Variants in LIMCH1 observed in about 807,000 individuals in gnomAD.
LIMCH1 encodes the protein LIM and calponin homology domains 1.
LIMCH1 carries 113 observed loss-of-function variants against 176.5 expected under a neutral mutation model. The observed-to-expected ratio is 0.64, with a 90% confidence interval of 0.55 to 0.75. LIMCH1 has a LOEUF of 0.75. Ranked by LOEUF, LIMCH1 falls within the 30% of genes least tolerant of loss-of-function variation. LIMCH1 has a pLI of 0.00. For missense variants in LIMCH1, 1,674 were observed against 1,814.9 expected, an observed-to-expected ratio of 0.92 and a Z score of 1.41; for synonymous variants, 619 against 645.9, an observed-to-expected ratio of 0.96 and a Z score of 0.63.
chr4:41,456,347 G>C (rs2064593549), intron 1 of LIMCH1, among the ~76,000 whole-genome samples: 1 of 152,076 alleles, frequency 6.6e-6, no homozygotes, highest in African/African-American at 2.4e-5. Context: ...ATTGTTTTGG[G>C]TGTGTGCGTG....
chr4:41,458,501 G>A (rs563605983), intron 1 of LIMCH1, among the ~76,000 whole-genome samples: 1 of 152,196 alleles, frequency 6.6e-6, no homozygotes, highest in South Asian at 2.1e-4. Context: ...TGTGGGCCAG[G>A]CGTGGTGGCT....
At chr4:41,491,142 C>T (rs2070819709) in intron 1 of LIMCH1, among the ~76,000 whole-genome samples, 1 of 151,066 alleles carries the variant, frequency 6.6e-6, no homozygotes, top group Non-Finnish European at 1.5e-5. Context: ...GGCAGAGGCG[C>T]TCCCCACCTC....
intron 2 of LIMCH1, among the ~76,000 whole-genome samples, chr4:41,504,198 T>C (rs1207501046): frequency 6.6e-6 from 1 of 152,192 alleles, no homozygotes; most frequent in Non-Finnish European, 1.5e-5. Context: ...AACCTCAGGG[T>C]CTGTCTCTGC....
chr4:41,451,298 G>A (rs893076831), intron 1 of LIMCH1, among the ~76,000 whole-genome samples: 3 of 136,476 alleles, frequency 2.2e-5, no homozygotes, highest in African/African-American at 8.2e-5. Context: ...TTTTTTTTTT[G>A]TATTTTTGGT....
intron 1 of LIMCH1, among the ~76,000 whole-genome samples, chr4:41,555,065 T>C (rs1162157831): frequency 2.6e-5 from 4 of 152,196 alleles, no homozygotes; most frequent in Admixed American, 2.6e-4. Flanking sequence ...CATTGCCATT[T>C]GATTGATATT....
chr4:41,480,877 TAAGG>T (rs2068485644), intron 1 of LIMCH1, among the ~76,000 whole-genome samples: 1 of 152,178 alleles, frequency 6.6e-6, no homozygotes, highest in South Asian at 2.1e-4. Context: ...AAGGGCAGCT[TAAGG>T]ATGTGCAAAC....
At chr4:41,608,806 T>G (rs2152780250) in intron 4 of LIMCH1, among the ~76,000 whole-genome samples, 1 of 152,236 alleles carries the variant, frequency 6.6e-6, no homozygotes, top group Admixed American at 6.5e-5. Flanking sequence ...ATATTAAGAT[T>G]GAAGGGACAC....
chr4:41,670,594 C>G (rs1030132714), intron 21 of LIMCH1: 70 of 603,716 alleles, frequency 1.2e-4, no homozygotes, highest in African/African-American at 1.1e-3. Context: ...TGTAGATTTA[C>G]TGACTCTCAA....
At chr4:41,618,414 T>C (rs1304964810) in intron 5 of LIMCH1, among the ~76,000 whole-genome samples, 1 of 152,238 alleles carries the variant, frequency 6.6e-6, no homozygotes, top group Non-Finnish European at 1.5e-5. Context: ...ACCAACTCTT[T>C]TATTCATCAG....
At position 41,527,681 on chromosome 4, in the gene LIMCH1, G is replaced by C. The variant is rs189574800; in HGVS notation, c.237+3203G>C. Among the ~76,000 whole-genome samples, 886 of 152,252 alleles carry C rather than the reference G, an allele frequency of 5.8e-3. 11 individuals are homozygous for C. Among genetic ancestry groups the C allele is most frequent in the African/African-American group, 0.02 (822 of 41,556 alleles). ...TACTAAAAATACAAAAAATTAGCCAGGCGCGGTGGTGGGCGCCTGTAGTCC... is the reference window on the plus strand; with the variant it reads ...TACTAAAAATACAAAAAATTAGCCACGCGCGGTGGTGGGCGCCTGTAGTCC... On this transcript the variant is annotated intron_variant, in intron 3 of 26. Coordinates refer to the LIMCH1 transcript ENST00000313860.
chr4:41,627,612 C>G (rs1373198563), intron 8 of LIMCH1, among the ~76,000 whole-genome samples: 1 of 152,158 alleles, frequency 6.6e-6, no homozygotes, highest in African/African-American at 2.4e-5. Flanking sequence ...GTTTTCAAGC[C>G]AGTTTCCTTT....
intron 1 of LIMCH1, among the ~76,000 whole-genome samples, chr4:41,453,003 G>A (rs1192702585): frequency 6.6e-6 from 1 of 152,090 alleles, no homozygotes; most frequent in East Asian, 1.9e-4. Context: ...GCTGTGTTCT[G>A]GGAAATCATT....
chr4:41,644,326 G>A (rs1392391769), intron 14 of LIMCH1, among the ~76,000 whole-genome samples, 174 bp from the exon 15 acceptor site: 1 of 151,908 alleles, frequency 6.6e-6, no homozygotes, highest in Non-Finnish European at 1.5e-5. Flanking sequence ...GTGCCAGCAC[G>A]CCCACCGCCC....
chr4:41,643,369 A>G (rs1189125701), intron 14 of LIMCH1, among the ~76,000 whole-genome samples: 2 of 151,872 alleles, frequency 1.3e-5, no homozygotes, highest in Admixed American at 1.3e-4. Context: ...CTGTCACCAT[A>G]TTTTGTTGCT....
intron 7 of LIMCH1, among the ~76,000 whole-genome samples, chr4:41,625,053 T>G (rs1311809028): frequency 6.6e-6 from 1 of 152,198 alleles, no homozygotes; most frequent in African/African-American, 2.4e-5. Flanking sequence ...TATGAGTGAC[T>G]TGGACAAAAT....
At chr4:41,615,007 A>G (rs1314800694) in intron 5 of LIMCH1, among the ~76,000 whole-genome samples, 1 of 152,210 alleles carries the variant, frequency 6.6e-6, no homozygotes, top group African/African-American at 2.4e-5. Flanking sequence ...TTGGGGCCAC[A>G]TAGTATGTGA....
At chr4:41,551,060 T>C (rs1474364813) in intron 1 of LIMCH1, 2 of 152,196 alleles carry the variant, frequency 1.3e-5, no homozygotes, top group African/African-American at 4.8e-5. Flanking sequence ...GTATTCATAT[T>C]GGAGACTAAC....
intron 2 of LIMCH1, among the ~76,000 whole-genome samples, chr4:41,498,290 G>A (rs2072581989): frequency 6.6e-6 from 1 of 152,138 alleles, no homozygotes; most frequent in Admixed American, 6.6e-5. Context: ...CGATGGAAAT[G>A]GAATACCCTC....
chr4:41,449,095 C>A (rs1243947330), intron 1 of LIMCH1, among the ~76,000 whole-genome samples: 2 of 152,070 alleles, frequency 1.3e-5, no homozygotes, highest in Non-Finnish European at 2.9e-5. Context: ...GTTTTGATGG[C>A]CTTCAGTTAG....
Sources: gnomAD v4.1 joint callset for allele counts (sites outside exome capture counted in the v4.1 genomes callset) on GRCh38, gnomAD v4.1.1 for gene constraint, MANE v1.5 for transcripts, NCBI Gene and HGNC (gene_info 2026-07-23, HGNC 2026-07-21) for gene names.